CLASP1: variants seen among roughly 807,000 people sequenced by gnomAD.
CLASP1 encodes cytoplasmic linker associated protein 1, also known as CLIP-associating protein 1.
Under a neutral mutation model 192.3 loss-of-function variants are expected in CLASP1, and 38 were observed. The ratio of observed to expected loss-of-function variants is 0.20; its 90% confidence interval spans 0.15 to 0.26. The LOEUF is 0.26. Ranked by LOEUF, CLASP1 falls within the 10% of genes least tolerant of loss-of-function variation. The pLI is 1.00. For synonymous variants in CLASP1, 691 were observed against 712.8 expected, an observed-to-expected ratio of 0.97 and a Z score of 0.49; for missense variants, 1,433 against 1,932.5, an observed-to-expected ratio of 0.74 and a Z score of 4.85.
chr2:121,471,276 T>C (rs1204789698), intron 8 of CLASP1, among the ~76,000 whole-genome samples: 1 of 152,152 alleles, frequency 6.6e-6, no homozygotes, highest in Non-Finnish European at 1.5e-5. Context: ...AGCAAGACCC[T>C]GTCTCGAGAA....
chr2:121,438,643 C>G (rs539827159), intron 19 of CLASP1, among the ~76,000 whole-genome samples: 1 of 152,130 alleles, frequency 6.6e-6, no homozygotes, highest in African/African-American at 2.4e-5. Context: ...TATTGATTTG[C>G]GTATATTGAA....
At chr2:121,545,710 A>G (rs2095315592) in intron 2 of CLASP1, among the ~76,000 whole-genome samples, 2 of 152,176 alleles carry the variant, frequency 1.3e-5, no homozygotes, top group African/African-American at 4.8e-5. Context: ...AGGTGGTACT[A>G]TAATCTTTAT....
chr2:121,641,722 C>T (rs1261917951), intron 1 of CLASP1, among the ~76,000 whole-genome samples: 2 of 152,096 alleles, frequency 1.3e-5, no homozygotes, highest in Non-Finnish European at 2.9e-5. Flanking sequence ...CCAGCTACAC[C>T]TCATATAATA....
At chr2:121,343,081 G>A (rs2062985698) in intron 39 of CLASP1, among the ~76,000 whole-genome samples, 1 of 152,076 alleles carries the variant, frequency 6.6e-6, no homozygotes, top group Admixed American at 6.5e-5. Context: ...AGCATGCCAA[G>A]ACCGTTTAAT....
intron 1 of CLASP1, among the ~76,000 whole-genome samples, chr2:121,641,263 T>C (rs1397832805): frequency 2.0e-5 from 3 of 151,590 alleles, no homozygotes. Context: ...TGAAGAAAAT[T>C]CGCTAAAAGG....
intron 8 of CLASP1, among the ~76,000 whole-genome samples, chr2:121,492,389 C>CAAAAAA (rs761378692): frequency 2.6e-5 from 1 of 37,920 alleles, no homozygotes; most frequent in African/African-American, 1.2e-4. Context: ...ACTCCCTCTC[C>CAAAAAA]AAAAAAAAAA....
intron 1 of CLASP1, among the ~76,000 whole-genome samples, chr2:121,609,178 C>A (rs1372994064): frequency 6.6e-6 from 1 of 152,198 alleles, no homozygotes; most frequent in Non-Finnish European, 1.5e-5. Flanking sequence ...AGCAAGGTCT[C>A]TATTCCTTAA....
rs116548011 is a variant in CLASP1, at chr2:121,504,776, A to G, written c.645-1542T>C. The stretch of plus-strand genomic sequence containing the variant: ...CCCCATTCCATAGGAGACACCAACA[A>G]TCTTTTCAAGCCATCTTTCCACCAA... On this transcript the variant is annotated intron_variant, in intron 7 of 39. Transcript: ENST00000263710. Among the ~76,000 whole-genome samples the G allele has an allele frequency of 4.2e-3, 639 of 152,220 alleles. 3 individuals are homozygous for G. Among genetic ancestry groups the G allele is most frequent in the African/African-American group, 0.015 (620 of 41,526 alleles).
intron 7 of CLASP1, among the ~76,000 whole-genome samples, chr2:121,508,935 G>A (rs1421973664): frequency 6.6e-6 from 1 of 152,170 alleles, no homozygotes; most frequent in East Asian, 1.9e-4. Context: ...GTGCTCAGGG[G>A]ATCATAACAA....
intron 23 of CLASP1, among the ~76,000 whole-genome samples, chr2:121,414,981 A>G (rs1407549678): frequency 6.6e-6 from 1 of 151,870 alleles, no homozygotes; most frequent in Non-Finnish European, 1.5e-5. Flanking sequence ...AGGTCTCCCT[A>G]TGTTGCCTGG....
chr2:121,442,681 C>T (rs960100563), intron 19 of CLASP1, among the ~76,000 whole-genome samples: 5 of 151,950 alleles, frequency 3.3e-5, no homozygotes, highest in Admixed American at 6.6e-5. Context: ...GGTTTCACCA[C>T]GTTGGTCAGG....
At chr2:121,378,695 C>T (rs1033724499) in intron 33 of CLASP1, among the ~76,000 whole-genome samples, 1 of 152,128 alleles carries the variant, frequency 6.6e-6, no homozygotes, top group African/African-American at 2.4e-5. Context: ...AAGAAAAGAT[C>T]AGATGAATTC....
At chr2:121,370,831 C>A (rs1411388455) in intron 34 of CLASP1, among the ~76,000 whole-genome samples, 1 of 152,180 alleles carries the variant, frequency 6.6e-6, no homozygotes, top group Non-Finnish European at 1.5e-5. Flanking sequence ...TTTTCTCCCT[C>A]CCAAATTTCA....
intron 3 of CLASP1, 100 bp downstream of exon 3, chr2:121,530,147 G>A: frequency 3.1e-6 from 3 of 970,892 alleles, no homozygotes; most frequent in South Asian, 2.9e-5. Context: ...GGCTGGAGGG[G>A]AGGCAGGGTG....
At chr2:121,417,676 A>C (rs1377538140) in intron 23 of CLASP1, among the ~76,000 whole-genome samples, 1 of 152,236 alleles carries the variant, frequency 6.6e-6, no homozygotes, top group Middle Eastern at 3.2e-3. Context: ...AATTTCATAA[A>C]GGACAATGGG....
At chr2:121,478,516 G>T (rs1402134474) in intron 8 of CLASP1, among the ~76,000 whole-genome samples, 2 of 151,686 alleles carry the variant, frequency 1.3e-5, no homozygotes, top group African/African-American at 4.9e-5. Flanking sequence ...CAGGAGGATC[G>T]CCTGAAGCCA....
At chr2:121,446,563 A>G (rs2084381261) in intron 19 of CLASP1, among the ~76,000 whole-genome samples, 1 of 152,232 alleles carries the variant, frequency 6.6e-6, no homozygotes, top group Non-Finnish European at 1.5e-5. Context: ...AGTAGAACCA[A>G]TCCAGCTAAG....
intron 32 of CLASP1, among the ~76,000 whole-genome samples, chr2:121,383,991 G>GAGATAT (rs1553476853): frequency 1.5e-5 from 2 of 129,544 alleles, no homozygotes; most frequent in East Asian, 2.4e-4. Context: ...TCACTGGTGA[G>GAGATAT]ATATATATAT....
chr2:121,556,913 C>T (rs1037998003), intron 2 of CLASP1, among the ~76,000 whole-genome samples: 7 of 152,154 alleles, frequency 4.6e-5, no homozygotes, highest in African/African-American at 7.2e-5. Context: ...AACAGCAGTA[C>T]CTGTAGTACA....
Sources: gnomAD v4.1 joint callset for allele counts (sites outside exome capture counted in the v4.1 genomes callset) on GRCh38, gnomAD v4.1.1 for gene constraint, MANE v1.5 for transcripts, NCBI Gene and HGNC (gene_info 2026-07-23, HGNC 2026-07-21) for gene names.